Variants in AKR1D1 observed in about 807,000 individuals in gnomAD.
AKR1D1 encodes the protein delta(4)-3-ketosteroid 5-beta-reductase.
AKR1D1 carries 32 observed loss-of-function variants against 42.6 expected under a neutral mutation model. That is an observed-to-expected ratio of 0.75 (90% CI 0.57 to 1.01). The LOEUF is 1.01. Ranked by LOEUF, AKR1D1 falls within the 50% of genes least tolerant of loss-of-function variation. The pLI is 0.00. For synonymous variants in AKR1D1, 123 were observed against 135.5 expected (o/e 0.91, Z 0.64); for missense variants, 364 against 402.2 (o/e 0.91, Z 0.81).
At chr7:138,101,480 G>A (rs1370902549) in intron 4 of AKR1D1, among the ~76,000 whole-genome samples, 1 of 152,010 alleles carries the variant, frequency 6.6e-6, no homozygotes, top group Non-Finnish European at 1.5e-5. Context: ...TTACAGATGT[G>A]AGCCACCGCG....
intron 3 of AKR1D1, among the ~76,000 whole-genome samples, chr7:138,092,303 C>T (rs1177840336): frequency 6.6e-6 from 1 of 152,194 alleles, no homozygotes; most frequent in African/African-American, 2.4e-5. Context: ...TTGAGACACA[C>T]ACCCTTCTTC....
At chr7:138,116,416 C>T (rs1264740414) in intron 8 of AKR1D1, among the ~76,000 whole-genome samples, 1 of 152,140 alleles carries the variant, frequency 6.6e-6, no homozygotes, top group Non-Finnish European at 1.5e-5. Flanking sequence ...TCCCTCAACA[C>T]ACTCACATTC....
At chr7:138,107,628 T>C (rs887426125) in intron 7 of AKR1D1, 48 bp downstream of exon 7, 12 of 1,603,016 alleles carry the variant, frequency 7.5e-6, no homozygotes, top group African/African-American at 2.7e-5. Flanking sequence ...ATGTTTGCTA[T>C]TTTTGCTTTT....
At position 138,100,088 on chromosome 7, in the gene AKR1D1, C is replaced by CAAAAAAAAAAAAAAAAAAAAA. The variant is rs59361346; in HGVS notation, c.456+2155_456+2175dup. Among the ~76,000 whole-genome samples, 6 of 43,568 alleles carry CAAAAAAAAAAAAAAAAAAAAA rather than the reference C, an allele frequency of 1.4e-4. 1 individual carries two copies. Among genetic ancestry groups the CAAAAAAAAAAAAAAAAAAAAA allele is most frequent in the Admixed American group, 4.5e-4 (1 of 2,236 alleles). 28.6% of individuals were successfully genotyped at this position (43,568 alleles called of 152,430 possible). On this transcript the variant is annotated intron_variant, in intron 4 of 8. Coordinates refer to ENST00000242375, the MANE Select transcript of AKR1D1 (RefSeq NM_005989.4). ...TGGGCAATATAGCGAGATTTCATCT[C>CAAAAAAAAAAAAAAAAAAAAA]AAAAAAAAAAAAAAAAAAAAAAAAA... is the stretch of plus-strand genomic sequence containing the variant.
At position 138,100,088 on chromosome 7, in the gene AKR1D1, C is replaced by CAAAAA. The variant is rs59361346; in HGVS notation, c.456+2171_456+2175dup. 2.2e-3 allele frequency among the ~76,000 whole-genome samples: 98 copies of CAAAAA among 43,558 alleles called. 4 individuals are homozygous for CAAAAA. Among genetic ancestry groups the CAAAAA allele is most frequent in the East Asian group, 3.0e-3 (3 of 996 alleles). 28.6% of individuals were successfully genotyped at this position (43,558 alleles called of 152,430 possible). Reference sequence around the variant, plus strand: ...TGGGCAATATAGCGAGATTTCATCTCAAAAAAAAAAAAAAAAAAAAAAAAA... The same window carrying CAAAAA: ...TGGGCAATATAGCGAGATTTCATCTCAAAAAAAAAAAAAAAAAAAAAAAAAAAAAA... On this transcript the variant is annotated intron_variant, in intron 4 of 8. Transcript: ENST00000242375.
intron 4 of AKR1D1, among the ~76,000 whole-genome samples, chr7:138,099,517 A>G (rs568472324): frequency 1.3e-5 from 2 of 152,192 alleles, no homozygotes; most frequent in African/African-American, 4.8e-5. Context: ...AACACAATGC[A>G]ATTGGTTGGG....
chr7:138,115,793 C>T (rs1181040710), intron 8 of AKR1D1, among the ~76,000 whole-genome samples: 2 of 152,106 alleles, frequency 1.3e-5, no homozygotes, highest in East Asian at 1.9e-4. Context: ...TTTTACAGAC[C>T]ATTTCATCAT....
At chr7:138,076,762 A>G (rs1802946658) in intron 1 of AKR1D1, 151 bp downstream of exon 1, 2 of 702,536 alleles carry the variant, frequency 2.8e-6, no homozygotes, top group Middle Eastern at 3.8e-4. Context: ...AAGGACTACT[A>G]TTTACTGAAT....
chr7:138,100,718 T>TTA (rs1794286744), intron 4 of AKR1D1, among the ~76,000 whole-genome samples: 1 of 145,680 alleles, frequency 6.9e-6, no homozygotes, highest in Admixed American at 6.9e-5. Flanking sequence ...TTTTTTTTTT[T>TTA]TTTTGAGGCG....
At chr7:138,109,773 C>T (rs3805361) in intron 7 of AKR1D1, among the ~76,000 whole-genome samples, 120,822 of 152,198 alleles carry the variant, frequency 0.79, 48,258 homozygotes, top group African/African-American at 0.86. Flanking sequence ...AATGTGTAGG[C>T]TCATTGAAGA....
Position 138,105,358 on chromosome 7 carries a change from A to G in AKR1D1, c.508A>G (p.Asn170Asp). 6.2e-7 allele frequency: 1 copy of G among 1,614,158 alleles called. No individual in the cohort carries two copies. Among genetic ancestry groups the G allele is most frequent in the Non-Finnish European group, 8.5e-7 (1 of 1,180,030 alleles). Reference protein sequence around the residue: ...AGLVKSLGVSNFNRRQLELIL... With the variant: ...AGLVKSLGVSDFNRRQLELIL... ...CTTGGTGAAATCCCTGGGAGTGTCC[A>G]ATTTTAACCGCAGGCAGCTGGAGCT... Residue 170 changes from asparagine (N) to aspartate (D), a missense_variant, in exon 5 of 9, where the codon AAT (asparagine) becomes GAT (aspartate). By Grantham distance (23) the Asn-to-Asp change is conservative. Transcript: ENST00000242375.
rs190907624 is a variant in AKR1D1 at position 138,076,573 on chromosome 7, C to T, written c.55C>T (p.Pro19Ser). 6.2e-7 allele frequency: 1 copy of T among 1,613,546 alleles called. No homozygotes were observed. Among genetic ancestry groups the T allele is most frequent in the African/African-American group, 1.3e-5 (1 of 75,000 alleles). Residue 19 changes from proline (P) to serine (S), a missense_variant, in exon 1 of 9, where the codon CCC becomes TCC. By Grantham distance (74) the Pro-to-Ser change is moderately conservative. Coordinates refer to ENST00000242375, the MANE Select transcript of AKR1D1 (RefSeq NM_005989.4). Reference sequence around the variant, plus strand: ...ACCTCTAAGTGATGGAAACAGCATTCCCATCATCGGACTTGGTACCTACTC... The same window carrying T: ...ACCTCTAAGTGATGGAAACAGCATTTCCATCATCGGACTTGGTACCTACTC... ...RIPLSDGNSI[P>S]IIGLGTYSEP... is the part of the protein sequence containing the mutation.
intron 4 of AKR1D1, among the ~76,000 whole-genome samples, chr7:138,100,118 A>AAAC (rs1794265847): frequency 7.6e-6 from 1 of 132,022 alleles, no homozygotes; most frequent in Non-Finnish European, 1.6e-5. Context: ...AAAAAAAAAA[A>AAAC]CATAAAGAGA....
chr7:138,086,150 C>A (rs1803172534), intron 1 of AKR1D1, among the ~76,000 whole-genome samples: 1 of 152,048 alleles, frequency 6.6e-6, no homozygotes, highest in Non-Finnish European at 1.5e-5. Flanking sequence ...CTGCAGTGAG[C>A]CATAATCGTG....
chr7:138,087,143 G>A (rs781247849), intron 1 of AKR1D1, among the ~76,000 whole-genome samples: 26 of 152,268 alleles, frequency 1.7e-4, no homozygotes, highest in Non-Finnish European at 2.8e-4. Flanking sequence ...TCAAGATGCC[G>A]GCAGGTTAGG....
Position 138,105,441 on chromosome 7 carries a change from T to TA in AKR1D1, c.579+13dup. 1 of 1,613,674 alleles carries TA rather than the reference T, an allele frequency of 6.2e-7. No homozygotes were observed. The highest frequency in any genetic ancestry group is 1.1e-5 in the South Asian group (1 of 91,058). On this transcript the variant is annotated intron_variant, in intron 5 of 8. Coordinates refer to ENST00000242375, the MANE Select transcript of AKR1D1 (RefSeq NM_005989.4). ...CAGTCAGCAACCAGGTACAGCCTAA[T>TA]AGCTTCCACTAGGGTGTGGGGAGTG...
chr7:138,093,452 A>T (rs933747796), intron 3 of AKR1D1, among the ~76,000 whole-genome samples: 15 of 152,074 alleles, frequency 9.9e-5, no homozygotes, highest in African/African-American at 2.9e-4. Context: ...ATTTTTTTTT[A>T]AACTCTTTTG....
intron 8 of AKR1D1, among the ~76,000 whole-genome samples, chr7:138,116,158 T>A (rs1168234044): frequency 6.6e-6 from 1 of 151,908 alleles, no homozygotes; most frequent in Non-Finnish European, 1.5e-5. Flanking sequence ...CCAACCTGAG[T>A]GACAGAGTGA....
intron 4 of AKR1D1, among the ~76,000 whole-genome samples, chr7:138,105,101 G>T (rs1794393613): frequency 6.6e-6 from 1 of 151,780 alleles, no homozygotes; most frequent in Admixed American, 6.6e-5. Context: ...AAAATACAAG[G>T]GGAAGATATG....
Sources: allele counts gnomAD v4.1 joint callset (sites outside exome capture counted in the v4.1 genomes callset), GRCh38; gene constraint gnomAD v4.1.1; transcripts MANE v1.5; gene names NCBI Gene and HGNC (gene_info 2026-07-23, HGNC 2026-07-21).